The following FOXJ3 variants were observed in gnomAD, a reference collection of about 807,000 sequenced individuals.
FOXJ3 encodes forkhead box J3, also known as forkhead box protein J3.
Under a neutral mutation model 76.1 loss-of-function variants are expected in FOXJ3, and 22 were observed. The observed-to-expected ratio is 0.29, with a 90% CI of 0.21 to 0.41. The LOEUF is 0.41. FOXJ3 is among the 10% of genes least tolerant of loss of function. The probability of loss-of-function intolerance (pLI) is 1.00; values close to 1 mark genes in which losing one functional copy is unlikely to be tolerated. For synonymous variants in FOXJ3, 269 were observed against 261.2 expected (o/e 1.03, Z -0.29); for missense variants, 613 against 762.1 (o/e 0.80, Z 2.30).
At chr1:42,333,716 C>T (rs2124802060) in intron 1 of FOXJ3, among the ~76,000 whole-genome samples, 1 of 151,964 alleles carries the variant, frequency 6.6e-6, no homozygotes, top group East Asian at 1.9e-4. Flanking sequence ...CTGGAAGAGA[C>T]ATTAAGAAAA....
intron 5 of FOXJ3, among the ~76,000 whole-genome samples, chr1:42,215,112 C>G (rs2124384186): frequency 6.6e-6 from 1 of 152,174 alleles, no homozygotes; most frequent in East Asian, 1.9e-4. Flanking sequence ...ACACAAGTAA[C>G]AGAAAATACA....
intron 1 of FOXJ3, among the ~76,000 whole-genome samples, chr1:42,325,242 T>C (rs1655759552): frequency 6.6e-6 from 1 of 152,220 alleles, no homozygotes; most frequent in Non-Finnish European, 1.5e-5. Flanking sequence ...GCTCATTAGA[T>C]GAGGAAATTC....
At chr1:42,240,719 CAAAGATCTAAATGGAAGGGATA>C (rs1269645637) in intron 4 of FOXJ3, among the ~76,000 whole-genome samples, 1 of 152,054 alleles carries the variant, frequency 6.6e-6, no homozygotes, top group Non-Finnish European at 1.5e-5. Flanking sequence ...CAAAATGGAT[CAAAGATCTAAATGGAAGGGATA>C]AAACTGTGAA....
At chr1:42,262,179 G>A (rs1020801399) in intron 4 of FOXJ3, among the ~76,000 whole-genome samples, 1 of 152,162 alleles carries the variant, frequency 6.6e-6, no homozygotes, top group Non-Finnish European at 1.5e-5. Context: ...CACAACTAAT[G>A]GATGAAGAGA....
In FOXJ3 at chr1:42,177,438, A is replaced by T. The variant is rs1646235265; in HGVS notation, c.*2272T>A. The T allele has an allele frequency of 6.6e-6, 1 of 152,658 alleles. No homozygotes were observed. Among genetic ancestry groups the T allele is most frequent in the African/African-American group, 2.4e-5 (1 of 41,466 alleles). The allele number at this position is 152,658 out of a possible 1,614,324, so 9.5% of individuals were successfully genotyped here. Reference sequence around the variant, plus strand: ...ACATTGCTACCCAAGCAATTAAAACAGTTTCAAAACAGCTATTTTGGTGTC... The same window carrying T: ...ACATTGCTACCCAAGCAATTAAAACTGTTTCAAAACAGCTATTTTGGTGTC... On this transcript the variant is annotated 3_prime_UTR_variant, in exon 13 of 13. Transcript: ENST00000361346.
chr1:42,312,684 A>T (rs552383570), intron 1 of FOXJ3, among the ~76,000 whole-genome samples: 7 of 152,396 alleles, frequency 4.6e-5, no homozygotes, highest in African/African-American at 1.7e-4. Context: ...TATGCAGAGT[A>T]CTGACAATAG....
intron 5 of FOXJ3, among the ~76,000 whole-genome samples, chr1:42,207,925 G>C (rs1646892291): frequency 6.6e-6 from 1 of 152,160 alleles, no homozygotes. Context: ...CTATAATTAA[G>C]TTAACACAGA....
At chr1:42,251,022 T>C (rs1265554210) in intron 4 of FOXJ3, among the ~76,000 whole-genome samples, 2 of 151,956 alleles carry the variant, frequency 1.3e-5, no homozygotes, top group Admixed American at 1.3e-4. Flanking sequence ...CCAAAAGAAT[T>C]TTTAATAAAT....
intron 2 of FOXJ3, among the ~76,000 whole-genome samples, chr1:42,291,966 G>A (rs1441447648): frequency 6.6e-6 from 1 of 152,128 alleles, no homozygotes; most frequent in Non-Finnish European, 1.5e-5. Flanking sequence ...CAGGAGGACG[G>A]GAGCAGGCTC....
At chr1:42,212,856 T>G (rs1450868612) in intron 5 of FOXJ3, among the ~76,000 whole-genome samples, 1 of 149,028 alleles carries the variant, frequency 6.7e-6, no homozygotes, top group Non-Finnish European at 1.5e-5. Flanking sequence ...CCTATCAGAC[T>G]GACAGCAGAC....
At chr1:42,252,512 T>C (rs922570839) in intron 4 of FOXJ3, among the ~76,000 whole-genome samples, 1 of 152,220 alleles carries the variant, frequency 6.6e-6, no homozygotes, top group Admixed American at 6.5e-5. Context: ...TTCTTCTCTC[T>C]TTTTTTCTTT....
chr1:42,301,255 G>C (rs1654125308), intron 2 of FOXJ3, among the ~76,000 whole-genome samples: 1 of 151,906 alleles, frequency 6.6e-6, no homozygotes, highest in African/African-American at 2.4e-5. Context: ...GAGTACAGTG[G>C]CACCATCTTG....
chr1:42,213,421 G>C (rs1647005140), intron 5 of FOXJ3, among the ~76,000 whole-genome samples: 2 of 150,560 alleles, frequency 1.3e-5, no homozygotes, highest in African/African-American at 2.4e-5. Context: ...AAAGCAAGCA[G>C]GAGTAGCTAT....
chr1:42,238,339 C>A (rs747932593), intron 4 of FOXJ3, among the ~76,000 whole-genome samples: 2 of 152,082 alleles, frequency 1.3e-5, no homozygotes, highest in Non-Finnish European at 2.9e-5. Flanking sequence ...GCCGCCAATA[C>A]CATTTTATCT....
intron 4 of FOXJ3, among the ~76,000 whole-genome samples, chr1:42,250,732 G>A (rs1301234860): frequency 2.0e-5 from 3 of 147,304 alleles, no homozygotes; most frequent in Non-Finnish European, 4.4e-5. Flanking sequence ...GGAGGCAGAG[G>A]TTGCAGTGAG....
At chr1:42,283,440 C>T (rs1273957728) in intron 2 of FOXJ3, among the ~76,000 whole-genome samples, 1 of 152,144 alleles carries the variant, frequency 6.6e-6, no homozygotes, top group African/African-American at 2.4e-5. Context: ...CACTGCGTGG[C>T]CTACCTCTGC....
chr1:42,185,831 C>T (rs558339773), intron 11 of FOXJ3, among the ~76,000 whole-genome samples: 3 of 152,220 alleles, frequency 2.0e-5, no homozygotes, highest in South Asian at 4.2e-4. Flanking sequence ...CCCCCTTCCA[C>T]ACTAGCACAC....
intron 8 of FOXJ3, among the ~76,000 whole-genome samples, chr1:42,193,333 G>GAGA (rs1044922410): frequency 6.6e-6 from 1 of 150,418 alleles, no homozygotes; most frequent in African/African-American, 2.4e-5. Flanking sequence ...GTCCAGAGAT[G>GAGA]AGAAGTAAAC....
At chr1:42,205,929 A>C (rs756588664) in intron 5 of FOXJ3, 66 bp from the exon 6 acceptor site, 1 of 875,996 alleles carries the variant, frequency 1.1e-6, no homozygotes, top group East Asian at 2.6e-5. Flanking sequence ...CACAGTTTGA[A>C]GGGATCTCAT....
Sources: allele counts gnomAD v4.1 joint callset (sites outside exome capture counted in the v4.1 genomes callset), GRCh38; gene constraint gnomAD v4.1.1; transcripts MANE v1.5; gene names NCBI Gene and HGNC (gene_info 2026-07-23, HGNC 2026-07-21).